Variants in GMEB2 observed in about 807,000 individuals in gnomAD.
GMEB2 encodes glucocorticoid modulatory element-binding protein 2.
In GMEB2, 7 loss-of-function variants were observed where a neutral mutation model predicts 45.7. The observed-to-expected ratio is 0.15, with a 90% CI of 0.09 to 0.29. The LOEUF is 0.29. Ranked by LOEUF, GMEB2 falls within the 10% of genes least tolerant of loss-of-function variation. GMEB2 has a pLI of 1.00. For missense variants in GMEB2, 582 were observed against 739.2 expected, an observed-to-expected ratio of 0.79 and a Z score of 2.47; for synonymous variants, 322 against 323.6, an observed-to-expected ratio of 1.00 and a Z score of 0.05.
Position 63,592,167 on chromosome 20 carries a change from C to G in GMEB2, c.830-23G>C. ...CATCTTAAAGGGTAACGCGGACACT[C>G]AGTGAGAGCCCAAGCCCTTCCTAGA... On this transcript the variant is annotated intron_variant, in intron 8 of 9. Transcript: ENST00000370077. This position sits in a 1 kb window ranked among gnomAD's most constrained non-coding sequence, Gnocchi z 8.2. The G allele has an allele frequency of 6.2e-7, 1 of 1,607,084 alleles. No homozygotes were observed. The highest frequency in any genetic ancestry group is 8.5e-7 in the Non-Finnish European group (1 of 1,176,708).
At position 63,589,918 on chromosome 20, in the gene GMEB2, T is replaced by G; in HGVS notation, c.*171A>C. ...CCGATTTTCCAGGTTGCTCTCGCTG[T>G]TCTGTCCCCTTCTCTCTTCTCGTGA... is the stretch of plus-strand genomic sequence containing the variant. On this transcript the variant is annotated 3_prime_UTR_variant, in exon 10 of 10. Transcript: ENST00000370077. 2 of 489,292 alleles carry G rather than the reference T, an allele frequency of 4.1e-6. No individual in the cohort carries two copies. The highest frequency in any genetic ancestry group is 7.0e-6 in the Non-Finnish European group (2 of 284,758). The allele number at this position is 489,292 out of a possible 1,614,324, so 30.3% of individuals were successfully genotyped here.
intron 2 of GMEB2, among the ~76,000 whole-genome samples, chr20:63,614,268 G>C (rs140708144): frequency 5.9e-5 from 9 of 152,158 alleles, no homozygotes; most frequent in Admixed American, 5.9e-4. Flanking sequence ...GCATAACCTA[G>C]GAAAAACTAG....
chr20:63,592,292 C>CT lies in GMEB2; in HGVS notation c.830-149_830-148insA. 1.3e-6 allele frequency: 1 copy of CT among 775,308 alleles called. No individual in the cohort carries two copies. The highest frequency in any genetic ancestry group is 2.0e-6 in the Non-Finnish European group (1 of 488,960). The allele number at this position is 775,308 out of a possible 1,614,324, so 48.0% of individuals were successfully genotyped here. A position where few individuals can be genotyped will look rare whatever the true frequency, so the allele number is the denominator to read the frequency against. On this transcript the variant is annotated intron_variant, in intron 8 of 9. Transcript: ENST00000370077. The surrounding 1 kb of genome is among the most constrained non-coding windows in gnomAD (Gnocchi z 8.2). ...TCTTCCTAGAGAGTGAGAACACCAC[C>CT]ACTGAGGCTGCTCCTCAGGAACCCA...
At chr20:63,615,771 C>T (rs1049784910) in intron 2 of GMEB2, among the ~76,000 whole-genome samples, 10 of 152,234 alleles carry the variant, frequency 6.6e-5, no homozygotes, top group Non-Finnish European at 1.2e-4. Flanking sequence ...GCGAGGGGCA[C>T]GTGCAGGGCT....
chr20:63,595,296 G>A (rs1333312412), intron 6 of GMEB2, among the ~76,000 whole-genome samples: 3 of 112,422 alleles, frequency 2.7e-5, no homozygotes, highest in Admixed American at 9.1e-5. Flanking sequence ...GAGGGAGGGG[G>A]CCGGGTGGGC....
chr20:63,601,895 G>A, intron 4 of GMEB2, among the ~76,000 whole-genome samples: 1 of 147,026 alleles, frequency 6.8e-6, no homozygotes, highest in East Asian at 2.0e-4. Flanking sequence ...GGCTTCCGTG[G>A]GGCCTGTGGC....
At position 63,592,553 on chromosome 20, in the gene GMEB2, T is replaced by A. The variant is rs142326335; in HGVS notation, c.809A>T (p.Asp270Val). ...CTCACCTCGAAGCTGCAGGGGAGGG[T>A]CCTGGACCCGCTGCTGCAGGCCTCT... ...TMRGLQQRVQ[D>V]PPLQLRDAVL... The change falls in exon 8 of 10, where the codon GAC (aspartate) becomes GTC (valine). Residue 270 changes from aspartate (D) to valine (V), a missense_variant. Transcript: ENST00000370077. This position sits in a 1 kb window ranked among gnomAD's most constrained non-coding sequence, Gnocchi z 8.2. 461 of 1,612,040 alleles carry A rather than the reference T, an allele frequency of 2.9e-4. 2 individuals carry two copies. The highest frequency in any genetic ancestry group is 1.4e-3 in the South Asian group (127 of 91,034).
In GMEB2 at chr20:63,596,452, C is replaced by T. The variant is rs142269229; in HGVS notation, c.462-685G>A. On this transcript the variant is annotated intron_variant, in intron 5 of 9. Coordinates refer to ENST00000370077, the MANE Select transcript of GMEB2 (RefSeq NM_012384.5). ...AGCCTCATTCAATCTTTGGGCAGCA[C>T]TGACCTCAGGCACACACAGGCTAAT... Among the ~76,000 whole-genome samples the T allele has an allele frequency of 7.2e-5, 11 of 152,396 alleles. No individual in the cohort carries two copies. The East Asian group carries it at 2.1e-3, about 29-fold the overall frequency.
At chr20:63,600,544 C>G (rs2083234381) in intron 4 of GMEB2, among the ~76,000 whole-genome samples, 1 of 151,030 alleles carries the variant, frequency 6.6e-6, no homozygotes, top group Non-Finnish European at 1.5e-5. Flanking sequence ...ATGGCAAAAC[C>G]CCATCTCTAC....
rs1240378681 is a variant in GMEB2, at chr20:63,604,774, T to G, written c.198A>C (p.Thr66=). ...CGGCTTCCTTGAGCTGGGAGGAGGCTGTGAAGGCCGCGGCAGCTGCTGCCG... is the reference window on the plus strand; with the variant it reads ...CGGCTTCCTTGAGCTGGGAGGAGGCGGTGAAGGCCGCGGCAGCTGCTGCCG... ...NAAAAAAAAF[T]ASSQLKEAVL... Residue 66 remains threonine, a synonymous_variant, in exon 3 of 10, where the codon ACA becomes ACC. Coordinates refer to ENST00000370077, the MANE Select transcript of GMEB2 (RefSeq NM_012384.5). The G allele has an allele frequency of 1.9e-6, 3 of 1,611,096 alleles. No homozygotes were observed. In the African/African-American group the frequency reaches 4.0e-5, roughly 22 times the overall value.
At chr20:63,610,326 C>T (rs1370489142) in intron 2 of GMEB2, among the ~76,000 whole-genome samples, 1 of 152,174 alleles carries the variant, frequency 6.6e-6, no homozygotes, top group Non-Finnish European at 1.5e-5. Context: ...TCGAGACCAT[C>T]CTGGCTAACA....
At chr20:63,602,904 C>T in intron 4 of GMEB2, 61 bp downstream of exon 4, 2 of 1,522,068 alleles carry the variant, frequency 1.3e-6, no homozygotes, top group Non-Finnish European at 1.8e-6. Flanking sequence ...GCTGCACCCC[C>T]AAAGCAGTCA....
At chr20:63,591,036 T>G (rs2083142206) in intron 9 of GMEB2, among the ~76,000 whole-genome samples, 1 of 152,162 alleles carries the variant, frequency 6.6e-6, no homozygotes, top group African/African-American at 2.4e-5. Flanking sequence ...ACCCAGGGCC[T>G]GCGTGCAAGC....
intron 2 of GMEB2, among the ~76,000 whole-genome samples, chr20:63,612,659 C>T (rs921369340): frequency 5.3e-5 from 8 of 152,228 alleles, no homozygotes; most frequent in African/African-American, 1.9e-4. Flanking sequence ...GGCCCACTTT[C>T]CTCTGCAACT....
At chr20:63,623,231 C>T (rs559236340) in intron 1 of GMEB2, among the ~76,000 whole-genome samples, 41 of 152,134 alleles carry the variant, frequency 2.7e-4, no homozygotes, top group Non-Finnish European at 4.9e-4. Flanking sequence ...TACTGTCACT[C>T]AATTTAAATG....
At chr20:63,611,953 G>A (rs1243321574) in intron 2 of GMEB2, among the ~76,000 whole-genome samples, 1 of 152,050 alleles carries the variant, frequency 6.6e-6, no homozygotes, top group East Asian at 1.9e-4. Context: ...CTACTCAGGA[G>A]GCTGAGGCAG....
intron 2 of GMEB2, among the ~76,000 whole-genome samples, chr20:63,606,248 T>C (rs1026778894): frequency 1.3e-5 from 2 of 152,064 alleles, no homozygotes; most frequent in African/African-American, 4.8e-5. Flanking sequence ...GACAAAGGGT[T>C]TTCTCATACA....
intron 2 of GMEB2, among the ~76,000 whole-genome samples, chr20:63,606,785 G>A (rs954482862): frequency 6.6e-6 from 1 of 152,160 alleles, no homozygotes; most frequent in African/African-American, 2.4e-5. Context: ...AACACAACAG[G>A]GAAACGCAAA....
At chr20:63,599,496 T>C (rs1429730965) in intron 4 of GMEB2, among the ~76,000 whole-genome samples, 1 of 152,242 alleles carries the variant, frequency 6.6e-6, no homozygotes, top group Non-Finnish European at 1.5e-5. Flanking sequence ...TCTTCCAGCA[T>C]AATTTCAAAG....
Sources: gnomAD v4.1 joint callset for allele counts (sites outside exome capture counted in the v4.1 genomes callset) on GRCh38, gnomAD v4.1.1 for gene constraint, Gnocchi (gnomAD v3.1) non-coding constraint, MANE v1.5 for transcripts, NCBI Gene and HGNC (gene_info 2026-07-23, HGNC 2026-07-21) for gene names.